RAB3C: variants seen among roughly 807,000 people sequenced by gnomAD.
RAB3C encodes the protein ras-related protein Rab-3C.
Under a neutral mutation model 26.4 loss-of-function variants are expected in RAB3C, and 17 were observed. The observed-to-expected ratio is 0.64, with a 90% confidence interval of 0.44 to 0.97. The LOEUF is 0.97. Among genes scored for constraint, RAB3C ranks in the 50% least tolerant of loss-of-function variants. RAB3C has a pLI of 0.00. For synonymous variants in RAB3C, 91 were observed against 95.9 expected (o/e 0.95, Z 0.30); for missense variants, 242 against 281.9 (o/e 0.86, Z 1.01).
At chr5:58,636,184 C>T (rs888232531) in intron 2 of RAB3C, among the ~76,000 whole-genome samples, 5 of 152,184 alleles carry the variant, frequency 3.3e-5, no homozygotes, top group Admixed American at 6.5e-5. Context: ...CATACTTGTT[C>T]ACCTGCTCAG....
At chr5:58,585,202 T>C (rs1745987554) in intron 1 of RAB3C, among the ~76,000 whole-genome samples, 2 of 151,952 alleles carry the variant, frequency 1.3e-5, no homozygotes, top group Admixed American at 1.3e-4. Context: ...AACTAATAAA[T>C]TGTTGTTATG....
intron 3 of RAB3C, among the ~76,000 whole-genome samples, chr5:58,768,330 C>T (rs916140810): frequency 2.6e-5 from 4 of 152,048 alleles, no homozygotes; most frequent in Admixed American, 2.0e-4. Context: ...TGCTTTGAAG[C>T]TTATTTTATA....
chr5:58,778,192 G>A (rs964254451), intron 3 of RAB3C, among the ~76,000 whole-genome samples: 3 of 152,036 alleles, frequency 2.0e-5, no homozygotes, highest in African/African-American at 7.2e-5. Flanking sequence ...TTGGATTTAG[G>A]AGGAAACATT....
In RAB3C at chr5:58,672,565, G is replaced by A. The variant is rs960272967; in HGVS notation, c.253-53437G>A. On this transcript the variant is annotated intron_variant, in intron 2 of 4. Transcript: ENST00000282878. ...TTAAACTCTGAAAGGTGTCTTTGTC[G>A]TGTATCATTCTAATTCATGCCTCTT... is the stretch of plus-strand genomic sequence containing the variant. Among the ~76,000 whole-genome samples, 7 of 152,220 alleles carry A rather than the reference G, an allele frequency of 4.6e-5. No homozygotes were observed. The South Asian group carries it at 6.2e-4, about 14-fold the overall frequency.
intron 1 of RAB3C, among the ~76,000 whole-genome samples, chr5:58,585,428 A>G (rs1745991267): frequency 6.6e-6 from 1 of 152,006 alleles, no homozygotes; most frequent in Admixed American, 6.5e-5. Flanking sequence ...CCACATCATC[A>G]TTTTAAATAT....
At position 58,846,640 on chromosome 5, in the gene RAB3C, A is replaced by G. The variant is rs1404916028; in HGVS notation, c.497-4524A>G. Among the ~76,000 whole-genome samples, 3 of 152,068 alleles carry G rather than the reference A, an allele frequency of 2.0e-5. No homozygotes were observed. The East Asian group carries it at 5.8e-4, about 30-fold the overall frequency. On this transcript the variant is annotated intron_variant, in intron 4 of 4. Transcript: ENST00000282878. ...GCGATCCTCCCACCGTGGCCTCCCAAAGTGCTGGGATTACAGGTGTGAGCT... is the reference window on the plus strand; with the variant it reads ...GCGATCCTCCCACCGTGGCCTCCCAGAGTGCTGGGATTACAGGTGTGAGCT...
intron 3 of RAB3C, among the ~76,000 whole-genome samples, chr5:58,791,073 A>AAC (rs1451844088): frequency 6.6e-6 from 1 of 151,562 alleles, no homozygotes; most frequent in African/African-American, 2.4e-5. Context: ...ACATTAAAAA[A>AAC]AAAAACATAT....
intron 3 of RAB3C, among the ~76,000 whole-genome samples, chr5:58,777,804 C>G (rs1035730635): frequency 4.6e-5 from 7 of 151,296 alleles, no homozygotes; most frequent in African/African-American, 1.5e-4. Flanking sequence ...GTCCAAGGTT[C>G]TCATTGTTCA....
chr5:58,606,202 T>C (rs927207979), intron 1 of RAB3C, among the ~76,000 whole-genome samples: 14 of 152,172 alleles, frequency 9.2e-5, no homozygotes, highest in African/African-American at 3.1e-4. Context: ...CCAAATACTG[T>C]GCTTCTCCCA....
At chr5:58,792,795 A>C (rs1454068146) in intron 3 of RAB3C, among the ~76,000 whole-genome samples, 1 of 152,238 alleles carries the variant, frequency 6.6e-6, no homozygotes, top group Non-Finnish European at 1.5e-5. Flanking sequence ...ATGTGTATAT[A>C]TAAAACCTTG....
chr5:58,625,510 A>G (rs1036517698), intron 2 of RAB3C, among the ~76,000 whole-genome samples: 1 of 152,132 alleles, frequency 6.6e-6, no homozygotes, highest in Non-Finnish European at 1.5e-5. Flanking sequence ...TAGTCAGCCC[A>G]ATTCCTACAG....
intron 2 of RAB3C, among the ~76,000 whole-genome samples, chr5:58,716,009 C>T (rs1749163155): frequency 6.8e-6 from 1 of 147,840 alleles, no homozygotes; most frequent in Non-Finnish European, 1.5e-5. Flanking sequence ...TGCACATGTA[C>T]CCTATAACTT....
At chr5:58,791,435 C>G (rs917254314) in intron 3 of RAB3C, among the ~76,000 whole-genome samples, 3 of 152,100 alleles carry the variant, frequency 2.0e-5, no homozygotes, top group African/African-American at 7.2e-5. Context: ...TAAGGAATCC[C>G]CAGTGCAAAC....
chr5:58,802,294 G>C (rs534469346), intron 3 of RAB3C, among the ~76,000 whole-genome samples: 19 of 152,194 alleles, frequency 1.2e-4, no homozygotes, highest in African/African-American at 4.1e-4. Flanking sequence ...TGGCTAATGG[G>C]CGAGCACACA....
intron 1 of RAB3C, among the ~76,000 whole-genome samples, chr5:58,611,242 A>G (rs1746694275): frequency 7.1e-6 from 1 of 140,310 alleles, no homozygotes; most frequent in Non-Finnish European, 1.6e-5. Flanking sequence ...TTGGGTATAT[A>G]CCCAGTGGTG....
chr5:58,719,813 C>G (rs182979054), intron 2 of RAB3C, among the ~76,000 whole-genome samples: 2 of 151,958 alleles, frequency 1.3e-5, no homozygotes, highest in African/African-American at 2.4e-5. Flanking sequence ...AGTGACCTAC[C>G]TACTGGGTAC....
chr5:58,649,271 A>T (rs939477193), intron 2 of RAB3C, among the ~76,000 whole-genome samples: 6 of 151,902 alleles, frequency 3.9e-5, no homozygotes, highest in African/African-American at 1.5e-4. Context: ...TCTGCCTGGA[A>T]TCCCTTCTGA....
At chr5:58,682,023 T>C (rs1748354031) in intron 2 of RAB3C, among the ~76,000 whole-genome samples, 1 of 152,156 alleles carries the variant, frequency 6.6e-6, no homozygotes, top group Admixed American at 6.5e-5. Context: ...TTTCCAAAGT[T>C]CAAGCTTTTG....
At chr5:58,745,407 A>G (rs1741380377) in intron 3 of RAB3C, among the ~76,000 whole-genome samples, 1 of 150,682 alleles carries the variant, frequency 6.6e-6, no homozygotes, top group African/African-American at 2.4e-5. Context: ...AAAAAAAAAA[A>G]AAAAAAAAAA....
Sources: gnomAD v4.1 joint callset for allele counts (sites outside exome capture counted in the v4.1 genomes callset) on GRCh38, gnomAD v4.1.1 for gene constraint, MANE v1.5 for transcripts, NCBI Gene and HGNC (gene_info 2026-07-23, HGNC 2026-07-21) for gene names.